ROBO2: variants seen among roughly 807,000 people sequenced by gnomAD.
The protein encoded by ROBO2 is roundabout homolog 2.
In ROBO2, 53 loss-of-function variants were observed where a neutral mutation model predicts 160.8. The ratio of observed to expected loss-of-function variants is 0.33; its 90% CI spans 0.26 to 0.41. ROBO2 has a LOEUF of 0.41. ROBO2 is among the 10% of genes least tolerant of loss of function. The pLI, the probability that ROBO2 is intolerant of heterozygous loss-of-function variation, is 1.00. For missense variants in ROBO2, 1,577 were observed against 1,722.4 expected (o/e 0.92, Z 1.49); for synonymous variants, 664 against 611.7 (o/e 1.09, Z -1.26).
At chr3:77,099,472 T>C (rs1410794788) in intron 2 of ROBO2, among the ~76,000 whole-genome samples, 1 of 152,176 alleles carries the variant, frequency 6.6e-6, no homozygotes, top group Non-Finnish European at 1.5e-5. Flanking sequence ...ATATTTTTTA[T>C]TTTTTGTGAA....
intron 5 of ROBO2, among the ~76,000 whole-genome samples, chr3:77,495,877 TA>T (rs1485490437): frequency 6.6e-6 from 1 of 152,148 alleles, no homozygotes; most frequent in Non-Finnish European, 1.5e-5. Flanking sequence ...TGAATTAAGA[TA>T]AAATAAAAAT....
At chr3:76,615,647 A>G (rs769755270) in intron 2 of ROBO2, among the ~76,000 whole-genome samples, 1 of 152,350 alleles carries the variant, frequency 6.6e-6, no homozygotes, top group African/African-American at 2.4e-5. Context: ...TGTGGAATTC[A>G]GTCAGCCTTG....
intron 2 of ROBO2, among the ~76,000 whole-genome samples, chr3:76,492,956 TACA>T (rs1247575482): frequency 1.3e-5 from 2 of 152,208 alleles, no homozygotes; most frequent in Non-Finnish European, 2.9e-5. Flanking sequence ...TGGTTATAAT[TACA>T]TTATGTTTTT....
intron 2 of ROBO2, among the ~76,000 whole-genome samples, chr3:76,627,476 A>G (rs985724416): frequency 7.2e-5 from 11 of 152,224 alleles, no homozygotes; most frequent in Admixed American, 2.6e-4. Flanking sequence ...TGGCTTTAGC[A>G]TGCAGATGAT....
intron 2 of ROBO2, among the ~76,000 whole-genome samples, chr3:76,674,271 G>A (rs572107294): frequency 6.6e-6 from 1 of 151,908 alleles, no homozygotes; most frequent in East Asian, 1.9e-4. Context: ...ACAAAATATA[G>A]AGATATTTTG....
At chr3:77,374,169 C>CAAAAAAAAAAAAA (rs60357417) in intron 2 of ROBO2, among the ~76,000 whole-genome samples, 3 of 40,106 alleles carry the variant, frequency 7.5e-5, no homozygotes, top group African/African-American at 4.4e-4. Flanking sequence ...GAGACTCCAT[C>CAAAAAAAAAAAAA]AAAAAAAAAA....
At chr3:76,741,718 T>A (rs1023528544) in intron 2 of ROBO2, among the ~76,000 whole-genome samples, 7 of 151,868 alleles carry the variant, frequency 4.6e-5, no homozygotes, top group Non-Finnish European at 8.8e-5. Context: ...CTCTAATTTT[T>A]ATCCATGGCA....
chr3:76,719,205 A>G (rs949485976), intron 2 of ROBO2, among the ~76,000 whole-genome samples: 11 of 152,358 alleles, frequency 7.2e-5, no homozygotes, highest in Admixed American at 5.2e-4. Flanking sequence ...CCTTACACAT[A>G]ATAGAAAATA....
At chr3:76,019,256 A>G (rs546698600) in intron 2 of ROBO2, among the ~76,000 whole-genome samples, 9 of 151,128 alleles carry the variant, frequency 6.0e-5, no homozygotes, top group Non-Finnish European at 1.2e-4. Context: ...TCGCCTCCCT[A>G]CATGGTTAAG....
intron 2 of ROBO2, among the ~76,000 whole-genome samples, chr3:76,711,686 C>A (rs143952711): frequency 6.6e-6 from 1 of 152,298 alleles, no homozygotes; most frequent in East Asian, 1.9e-4. Context: ...ACTTAGATAG[C>A]CACACGGTGC....
Position 77,153,186 on chromosome 3 carries a change from C to A in ROBO2, c.388+54846C>A, listed in dbSNP as rs147293408. 6.6e-5 allele frequency among the ~76,000 whole-genome samples: 10 copies of A among 152,146 alleles called. No homozygotes were observed. The East Asian group carries it at 1.9e-3, about 29-fold the overall frequency. On this transcript the variant is annotated intron_variant, in intron 2 of 25. Transcript: ENST00000461745. Reference sequence around the variant, plus strand: ...GAATTTGTGTTAAATCTCCTTTAAACGTTTGGTAGACTTTTCCAGTGGTGC... The same window carrying A: ...GAATTTGTGTTAAATCTCCTTTAAAAGTTTGGTAGACTTTTCCAGTGGTGC...
At chr3:76,368,220 T>C (rs1217867591) in intron 2 of ROBO2, among the ~76,000 whole-genome samples, 1 of 151,970 alleles carries the variant, frequency 6.6e-6, no homozygotes, top group Non-Finnish European at 1.5e-5. Context: ...GTATATTTAA[T>C]TAGTTAATCT....
At chr3:76,770,881 G>GAA (rs1484913865) in intron 2 of ROBO2, among the ~76,000 whole-genome samples, 1 of 151,202 alleles carries the variant, frequency 6.6e-6, no homozygotes, top group African/African-American at 2.4e-5. Context: ...ACTGATAAAA[G>GAA]AAGGATGCTC....
chr3:77,410,748 TCC>T (rs1323834830), intron 2 of ROBO2, among the ~76,000 whole-genome samples: 10 of 145,044 alleles, frequency 6.9e-5, no homozygotes, highest in African/African-American at 2.6e-4. Flanking sequence ...CTCCTTTTCC[TCC>T]TCCTCTTCCT....
chr3:77,452,939 C>T (rs1420590363), intron 2 of ROBO2, among the ~76,000 whole-genome samples: 1 of 152,050 alleles, frequency 6.6e-6, no homozygotes, highest in Non-Finnish European at 1.5e-5. Flanking sequence ...ATGGGTATTT[C>T]TCAGGGTTCT....
chr3:77,427,163 C>T (rs1175312590), intron 2 of ROBO2, among the ~76,000 whole-genome samples: 2 of 152,164 alleles, frequency 1.3e-5, no homozygotes, highest in African/African-American at 4.8e-5. Flanking sequence ...TGAGGTTAAC[C>T]TGAAAACCAC....
chr3:75,933,722 A>G (rs1559762910), intron 1 of ROBO2, among the ~76,000 whole-genome samples: 1 of 152,146 alleles, frequency 6.6e-6, no homozygotes, highest in Non-Finnish European at 1.5e-5. Context: ...GAATAAAACC[A>G]TCTAGAAGAT....
intron 2 of ROBO2, among the ~76,000 whole-genome samples, chr3:76,429,166 GCACACACA>G (rs371649400): frequency 6.7e-6 from 1 of 149,040 alleles, no homozygotes; most frequent in Non-Finnish European, 1.5e-5. Flanking sequence ...ACCAGTGGGC[GCACACACA>G]CACACACACA....
chr3:77,258,215 T>C (rs1440614813), intron 2 of ROBO2, among the ~76,000 whole-genome samples: 1 of 152,194 alleles, frequency 6.6e-6, no homozygotes, highest in Non-Finnish European at 1.5e-5. Context: ...TGTATAAAGT[T>C]CGAGTGAAAG....
Sources: allele counts gnomAD v4.1 joint callset (sites outside exome capture counted in the v4.1 genomes callset), GRCh38; gene constraint gnomAD v4.1.1; transcripts MANE v1.5; gene names NCBI Gene and HGNC (gene_info 2026-07-23, HGNC 2026-07-21).